Variants in CLSTN2 observed in about 807,000 individuals in gnomAD.
CLSTN2 encodes calsyntenin 2.
In CLSTN2, 48 loss-of-function variants were observed where a neutral mutation model predicts 101.2. The ratio of observed to expected loss-of-function variants is 0.47; its 90% CI spans 0.38 to 0.60. The LOEUF (loss-of-function observed/expected upper bound fraction) is 0.60. Among genes scored for constraint, CLSTN2 ranks in the 20% least tolerant of loss-of-function variants. The probability of loss-of-function intolerance (pLI) is 0.00; values close to 1 mark genes in which losing one functional copy is unlikely to be tolerated. For missense variants in CLSTN2, 1,160 were observed against 1,238.2 expected (o/e 0.94, Z 0.95); for synonymous variants, 481 against 463.6 (o/e 1.04, Z -0.48).
intron 1 of CLSTN2, among the ~76,000 whole-genome samples, chr3:140,155,674 A>G (rs1350517406): frequency 6.6e-6 from 1 of 152,160 alleles, no homozygotes; most frequent in Non-Finnish European, 1.5e-5. Context: ...GTGCATTGGG[A>G]AATCCTAGAT....
chr3:140,377,759 T>C (rs1287585682), intron 2 of CLSTN2, among the ~76,000 whole-genome samples: 1 of 152,210 alleles, frequency 6.6e-6, no homozygotes, highest in Non-Finnish European at 1.5e-5. Flanking sequence ...CTAAGGTTAA[T>C]TTATTATTCA....
chr3:140,001,582 A>G (rs1374527026), intron 1 of CLSTN2, among the ~76,000 whole-genome samples: 1 of 152,072 alleles, frequency 6.6e-6, no homozygotes, highest in Non-Finnish European at 1.5e-5. Flanking sequence ...AAAGTGGGGT[A>G]TCTATCCCCT....
At chr3:140,370,801 T>C (rs9813628) in intron 2 of CLSTN2, among the ~76,000 whole-genome samples, 56,669 of 152,040 alleles carry the variant, frequency 0.37, 12,328 homozygotes, top group Non-Finnish European at 0.49. Flanking sequence ...CTCCCAGCAG[T>C]TGGGGGCATG....
At chr3:140,306,606 C>G (rs1270394598) in intron 2 of CLSTN2, among the ~76,000 whole-genome samples, 1 of 152,156 alleles carries the variant, frequency 6.6e-6, no homozygotes, top group Admixed American at 6.5e-5. Flanking sequence ...GTAGCTGCTT[C>G]ACAGCCTTGC....
chr3:140,199,171 C>T (rs539636858), intron 2 of CLSTN2, among the ~76,000 whole-genome samples: 10 of 152,222 alleles, frequency 6.6e-5, no homozygotes, highest in East Asian at 1.9e-4. Flanking sequence ...CTTGTAAGTA[C>T]GCAGAATATT....
intron 1 of CLSTN2, among the ~76,000 whole-genome samples, chr3:139,942,049 G>A (rs997145760): frequency 6.6e-5 from 10 of 152,166 alleles, no homozygotes; most frequent in Non-Finnish European, 1.5e-4. Flanking sequence ...ACACTGGTAG[G>A]CATGGGTTCC....
intron 1 of CLSTN2, among the ~76,000 whole-genome samples, chr3:140,108,512 T>A (rs1295598664): frequency 1.3e-5 from 2 of 152,242 alleles, no homozygotes; most frequent in African/African-American, 4.8e-5. Context: ...CTACTTTACC[T>A]GCAGCTAGAA....
At chr3:140,061,668 C>T (rs992461832) in intron 1 of CLSTN2, among the ~76,000 whole-genome samples, 2 of 152,214 alleles carry the variant, frequency 1.3e-5, no homozygotes, top group African/African-American at 2.4e-5. Flanking sequence ...ATAACTTTGC[C>T]TCTCTGAGAA....
At chr3:140,111,175 T>C (rs148313449) in intron 1 of CLSTN2, among the ~76,000 whole-genome samples, 81 of 152,260 alleles carry the variant, frequency 5.3e-4, no homozygotes, top group Middle Eastern at 6.8e-3. Context: ...CTGTGCTCAG[T>C]GTAACATCTC....
At chr3:140,331,260 C>T (rs561818719) in intron 2 of CLSTN2, among the ~76,000 whole-genome samples, 59 of 152,274 alleles carry the variant, frequency 3.9e-4, no homozygotes, top group Admixed American at 2.4e-3. Flanking sequence ...GGACTCGGCA[C>T]GCTGCTCATC....
At chr3:140,219,548 G>A (rs2086246330) in intron 2 of CLSTN2, among the ~76,000 whole-genome samples, 1 of 152,140 alleles carries the variant, frequency 6.6e-6, no homozygotes. Flanking sequence ...AATGTTTTGT[G>A]GTTGCTGCTC....
chr3:140,071,182 A>G (rs2008385917), intron 1 of CLSTN2, among the ~76,000 whole-genome samples: 1 of 152,214 alleles, frequency 6.6e-6, no homozygotes, highest in African/African-American at 2.4e-5. Context: ...TCAAATGAGC[A>G]GGAAAAGATG....
At chr3:139,938,501 C>A (rs781694996) in intron 1 of CLSTN2, among the ~76,000 whole-genome samples, 7 of 152,174 alleles carry the variant, frequency 4.6e-5, no homozygotes, top group Non-Finnish European at 1.0e-4. Flanking sequence ...AGTGGCCAGG[C>A]AATTATAACT....
intron 1 of CLSTN2, among the ~76,000 whole-genome samples, chr3:140,060,855 A>G (rs1194641962): frequency 6.6e-6 from 1 of 152,128 alleles, no homozygotes; most frequent in African/African-American, 2.4e-5. Flanking sequence ...TTATTCCTTC[A>G]TCATTTCCTG....
chr3:140,098,110 A>AAAAAC (rs1386745473), intron 1 of CLSTN2, among the ~76,000 whole-genome samples: 1 of 152,160 alleles, frequency 6.6e-6, no homozygotes, highest in Non-Finnish European at 1.5e-5. Flanking sequence ...AGCAGAGACA[A>AAAAAC]AAAACAAAAC....
At chr3:140,533,466 T>A (rs1559896669) in intron 9 of CLSTN2, among the ~76,000 whole-genome samples, 1 of 152,022 alleles carries the variant, frequency 6.6e-6, no homozygotes, top group African/African-American at 2.4e-5. Context: ...TCCCAGCACT[T>A]TGGGAGGCCA....
intron 2 of CLSTN2, among the ~76,000 whole-genome samples, chr3:140,323,678 G>T (rs2087305310): frequency 6.6e-6 from 1 of 152,178 alleles, no homozygotes; most frequent in South Asian, 2.1e-4. Flanking sequence ...TTTATAAATG[G>T]TAGTCATTAT....
intron 1 of CLSTN2, among the ~76,000 whole-genome samples, chr3:140,033,672 A>C (rs1205364553): frequency 2.0e-5 from 3 of 152,246 alleles, no homozygotes; most frequent in African/African-American, 7.2e-5. Context: ...GAGACGCAGA[A>C]TATTCTTCAG....
At chr3:140,149,387 C>G (rs914480507) in intron 1 of CLSTN2, among the ~76,000 whole-genome samples, 9 of 152,144 alleles carry the variant, frequency 5.9e-5, no homozygotes, top group African/African-American at 2.2e-4. Flanking sequence ...GAGATGGAAG[C>G]CTTCCTCTTC....
Sources: allele counts gnomAD v4.1 joint callset (sites outside exome capture counted in the v4.1 genomes callset), GRCh38; gene constraint gnomAD v4.1.1; transcripts MANE v1.5; gene names NCBI Gene and HGNC (gene_info 2026-07-23, HGNC 2026-07-21).